NLK: variants seen among roughly 807,000 people sequenced by gnomAD.
NLK encodes serine/threonine-protein kinase NLK.
A neutral mutation model predicts 59.0 loss-of-function variants in NLK; 11 were observed. That is an observed-to-expected ratio of 0.19 (90% CI 0.12 to 0.31). NLK has a LOEUF of 0.31. NLK is among the 10% of genes least tolerant of loss of function. NLK has a pLI of 1.00. For synonymous variants in NLK, 235 were observed against 235.9 expected (o/e 1.00, Z 0.03); for missense variants, 410 against 661.1 (o/e 0.62, Z 4.16).
chr17:28,185,369 T>C, intron 8 of NLK, 104 bp downstream of exon 8: 3 of 707,456 alleles, frequency 4.2e-6, no homozygotes, highest in Non-Finnish European at 6.9e-6. Context: ...TAATTACTTT[T>C]CAGAATATAA....
intron 7 of NLK, among the ~76,000 whole-genome samples, chr17:28,175,295 A>T (rs1166452504): frequency 1.3e-5 from 2 of 151,856 alleles, no homozygotes; most frequent in Admixed American, 1.3e-4. Flanking sequence ...AAAATACAAA[A>T]AAAAAAAATT....
intron 1 of NLK, among the ~76,000 whole-genome samples, chr17:28,090,468 T>C (rs1298669844): frequency 1.3e-5 from 2 of 152,226 alleles, no homozygotes; most frequent in Non-Finnish European, 2.9e-5. Context: ...GTCATTTTAC[T>C]TCCTTTATGA....
intron 1 of NLK, among the ~76,000 whole-genome samples, chr17:28,092,186 T>C (rs1371416494): frequency 1.3e-5 from 2 of 150,714 alleles, no homozygotes; most frequent in Admixed American, 6.6e-5. Flanking sequence ...AACTTTTCTT[T>C]GGACACATGC....
chr17:28,091,942 G>A (rs1003378256), intron 1 of NLK, among the ~76,000 whole-genome samples: 1 of 151,908 alleles, frequency 6.6e-6, no homozygotes, highest in South Asian at 2.1e-4. Context: ...TTGACAACCA[G>A]CCTGTCTTCT....
At chr17:28,084,480 G>C (rs937945744) in intron 1 of NLK, among the ~76,000 whole-genome samples, 3 of 152,186 alleles carry the variant, frequency 2.0e-5, no homozygotes, top group Admixed American at 2.0e-4. Flanking sequence ...TCCAAAAAGA[G>C]GTGGTAATAG....
intron 7 of NLK, among the ~76,000 whole-genome samples, chr17:28,173,408 C>T (rs1468686524): frequency 1.3e-5 from 2 of 152,106 alleles, no homozygotes; most frequent in Non-Finnish European, 2.9e-5. Context: ...ATTTGACACT[C>T]CTCCTCTCAA....
At chr17:28,138,716 A>G (rs1055000370) in intron 3 of NLK, among the ~76,000 whole-genome samples, 5 of 152,250 alleles carry the variant, frequency 3.3e-5, no homozygotes, top group Non-Finnish European at 7.3e-5. Flanking sequence ...GAAGATTCCC[A>G]TATTGTAAGA....
At chr17:28,068,449 A>G (rs1307743924) in intron 1 of NLK, among the ~76,000 whole-genome samples, 1 of 152,088 alleles carries the variant, frequency 6.6e-6, no homozygotes, top group Non-Finnish European at 1.5e-5. Context: ...TTCAAAAATG[A>G]TATTTGTTTT....
chr17:28,112,551 C>G (rs1905571839), intron 1 of NLK, among the ~76,000 whole-genome samples: 1 of 152,136 alleles, frequency 6.6e-6, no homozygotes, highest in African/African-American at 2.4e-5. Flanking sequence ...CCCAAAATGG[C>G]TGTTTTTGAC....
intron 1 of NLK, among the ~76,000 whole-genome samples, chr17:28,079,712 C>G (rs534816343): frequency 1.3e-5 from 2 of 152,138 alleles, no homozygotes; most frequent in South Asian, 4.1e-4. Flanking sequence ...TGTCAGAGTT[C>G]CTTGTATATT....
chr17:28,075,137 C>T (rs1910125121), intron 1 of NLK, among the ~76,000 whole-genome samples: 1 of 152,116 alleles, frequency 6.6e-6, no homozygotes, highest in African/African-American at 2.4e-5. Context: ...CTGTGTTAGC[C>T]TGCTAGTTTA....
intron 10 of NLK, among the ~76,000 whole-genome samples, chr17:28,194,360 G>A (rs1909411919): frequency 6.6e-6 from 1 of 152,092 alleles, no homozygotes; most frequent in Non-Finnish European, 1.5e-5. Context: ...AATGACATGT[G>A]GTTTTCAAGC....
At chr17:28,116,777 A>T (rs150994723) in intron 1 of NLK, among the ~76,000 whole-genome samples, 1 of 152,304 alleles carries the variant, frequency 6.6e-6, no homozygotes, top group Non-Finnish European at 1.5e-5. Flanking sequence ...CTAGTCCTCA[A>T]TGTTCCTATT....
At chr17:28,113,211 G>A (rs964561161) in intron 1 of NLK, among the ~76,000 whole-genome samples, 4 of 152,092 alleles carry the variant, frequency 2.6e-5, no homozygotes, top group South Asian at 2.1e-4. Context: ...ATCACAAAGT[G>A]CACACCTCTA....
At chr17:28,176,305 C>T (rs1183999122) in intron 7 of NLK, among the ~76,000 whole-genome samples, 2 of 152,124 alleles carry the variant, frequency 1.3e-5, no homozygotes, top group Non-Finnish European at 2.9e-5. Context: ...AAATTCAATA[C>T]AAGTTTTTGA....
chr17:28,146,648 G>A (rs575156592), intron 3 of NLK, among the ~76,000 whole-genome samples: 2 of 152,168 alleles, frequency 1.3e-5, no homozygotes, highest in East Asian at 3.9e-4. Context: ...CAAACACACC[G>A]CCTCCCACTG....
chr17:28,191,141 A>C lies in NLK; in HGVS notation c.1357A>C (p.Ser453Arg). ...FSTSTGRVYT[S>R]DFEPVTNPKF... ...CACCTCCACTGGAAGAGTTTATACCAGTGACTTTGAGCCTGTCACCAATCC... is the reference window on the plus strand; with the variant it reads ...CACCTCCACTGGAAGAGTTTATACCCGTGACTTTGAGCCTGTCACCAATCC... The change falls in exon 9 of 11, where the codon AGT (serine) becomes CGT (arginine). Residue 453 changes from serine (S) to arginine (R), a missense_variant. This residue lies in a region of NLK where 150 missense variants were observed against 244.3 expected (regional missense o/e 0.61). Transcript: ENST00000407008. The C allele has an allele frequency of 1.9e-6, 3 of 1,613,842 alleles. No individual in the cohort carries two copies. Among genetic ancestry groups the C allele is most frequent in the Non-Finnish European group, 2.5e-6 (3 of 1,179,854 alleles).
intron 1 of NLK, among the ~76,000 whole-genome samples, chr17:28,053,977 T>G (rs1255472886): frequency 6.6e-6 from 1 of 152,222 alleles, no homozygotes; most frequent in African/African-American, 2.4e-5. Flanking sequence ...TGCAGCCTGG[T>G]GCAGAGGGTT....
chr17:28,114,152 G>A (rs1319854108), intron 1 of NLK, among the ~76,000 whole-genome samples: 1 of 151,962 alleles, frequency 6.6e-6, no homozygotes, highest in Admixed American at 6.6e-5. Context: ...TTCTGTTTGT[G>A]GATATTTAAG....
Sources: allele counts gnomAD v4.1 joint callset (sites outside exome capture counted in the v4.1 genomes callset), GRCh38; gene constraint gnomAD v4.1.1; regional missense constraint gnomAD v4.1.1; transcripts MANE v1.5; gene names NCBI Gene and HGNC (gene_info 2026-07-23, HGNC 2026-07-21).